The following MGAT4C variants were observed in gnomAD, a reference collection of about 807,000 sequenced individuals.
MGAT4C encodes MGAT4 family member C, also known as alpha-1,3-mannosyl-glycoprotein 4-beta-N-acetylglucosaminyltransferase C.
MGAT4C carries 19 observed loss-of-function variants against 40.1 expected under a neutral mutation model. That is an observed-to-expected ratio of 0.47 (90% CI 0.33 to 0.70). MGAT4C has a LOEUF of 0.70. MGAT4C is among the 30% of genes least tolerant of loss of function. The probability of loss-of-function intolerance (pLI) is 0.02; values close to 1 mark genes in which losing one functional copy is unlikely to be tolerated. For synonymous variants in MGAT4C, 181 were observed against 187.1 expected, an observed-to-expected ratio of 0.97 and a Z score of 0.27; for missense variants, 491 against 563.2, an observed-to-expected ratio of 0.87 and a Z score of 1.30.
intron 2 of MGAT4C, among the ~76,000 whole-genome samples, chr12:86,709,622 G>C (rs761999151): frequency 1.3e-5 from 2 of 151,896 alleles, no homozygotes; most frequent in Non-Finnish European, 2.9e-5. Context: ...TATTATATTT[G>C]AGGCTGGTCT....
At chr12:86,561,981 T>C (rs563773393) in intron 2 of MGAT4C, among the ~76,000 whole-genome samples, 8 of 152,260 alleles carry the variant, frequency 5.3e-5, no homozygotes, top group African/African-American at 1.9e-4. Context: ...TTGTGCAAAA[T>C]AAATACACAT....
intron 3 of MGAT4C, among the ~76,000 whole-genome samples, chr12:86,364,831 G>C (rs1193094063): frequency 6.6e-6 from 1 of 152,150 alleles, no homozygotes; most frequent in Non-Finnish European, 1.5e-5. Flanking sequence ...CAGAGATCAT[G>C]TGCTTCACAA....
chr12:86,626,977 G>A (rs543265667), intron 2 of MGAT4C, among the ~76,000 whole-genome samples: 13 of 152,328 alleles, frequency 8.5e-5, no homozygotes, highest in South Asian at 2.1e-4. Context: ...AAGGGAAGCC[G>A]TGACAGGCTG....
At chr12:86,751,636 T>G (rs1951232857) in intron 1 of MGAT4C, among the ~76,000 whole-genome samples, 1 of 152,092 alleles carries the variant, frequency 6.6e-6, no homozygotes, top group Non-Finnish European at 1.5e-5. Flanking sequence ...GCATAACTGC[T>G]ATTTTCCATG....
intron 2 of MGAT4C, among the ~76,000 whole-genome samples, chr12:86,685,863 ATTTT>A (rs1210645588): frequency 7.3e-6 from 1 of 136,582 alleles, no homozygotes; most frequent in Non-Finnish European, 1.6e-5. Flanking sequence ...AATGCTTGTG[ATTTT>A]TTTTTTTTTT....
Position 86,512,842 on chromosome 12 carries a change from C to CT in MGAT4C, c.-228-77578_-228-77577insA, listed in dbSNP as rs368269449. On this transcript the variant is annotated intron_variant, in intron 2 of 7. Transcript: ENST00000548651. The stretch of plus-strand genomic sequence containing the variant: ...TTTCAGTTATACAAGATAATAAGTT[C>CT]AAAGATTTGCTGTATTTCATGCCTA... 3.4e-3 allele frequency among the ~76,000 whole-genome samples: 510 copies of CT among 152,054 alleles called. 1 individual carries two copies. The highest frequency in any genetic ancestry group is 0.012 in the African/African-American group (493 of 41,516).
At chr12:86,750,001 A>T (rs1951209539) in intron 1 of MGAT4C, among the ~76,000 whole-genome samples, 1 of 146,910 alleles carries the variant, frequency 6.8e-6, no homozygotes, top group African/African-American at 2.7e-5. Context: ...GTAGGAATCA[A>T]TGTATTTGTT....
chr12:86,552,753 T>G (rs1281782933), intron 2 of MGAT4C, among the ~76,000 whole-genome samples: 6 of 152,130 alleles, frequency 3.9e-5, no homozygotes, highest in Non-Finnish European at 7.4e-5. Flanking sequence ...TTAATGTCTG[T>G]GAAATAAGCT....
chr12:86,464,159 T>G (rs1957643212), intron 2 of MGAT4C, among the ~76,000 whole-genome samples: 1 of 152,138 alleles, frequency 6.6e-6, no homozygotes, highest in Non-Finnish European at 1.5e-5. Context: ...TTTTTTTCCT[T>G]GATGCCTCAC....
At chr12:86,343,738 C>T (rs1309815618) in intron 3 of MGAT4C, among the ~76,000 whole-genome samples, 1 of 152,228 alleles carries the variant, frequency 6.6e-6, no homozygotes, top group Non-Finnish European at 1.5e-5. Flanking sequence ...ACATCAACAT[C>T]TTATCTATCG....
chr12:85,987,237 C>G (rs1227756798), intron 3 of MGAT4C, among the ~76,000 whole-genome samples: 1 of 140,690 alleles, frequency 7.1e-6, no homozygotes, highest in Non-Finnish European at 1.5e-5. Flanking sequence ...CCCGGGTTCA[C>G]GCCATTCTCC....
intron 2 of MGAT4C, among the ~76,000 whole-genome samples, chr12:86,463,455 G>A (rs1957631756): frequency 6.6e-6 from 1 of 151,850 alleles, no homozygotes; most frequent in Non-Finnish European, 1.5e-5. Context: ...ATTCCTCTAG[G>A]CTTTTCTAAT....
rs1209573892 is a variant in MGAT4C, at chr12:86,527,166, TTTTAA to T, written c.-228-91906_-228-91902del. On this transcript the variant is annotated intron_variant, in intron 2 of 7. Transcript: ENST00000548651. ...ACCTGGCCATCTTGCCAGATGTTAA[TTTTAA>T]TTTGATTTTTGTACATAATGAGAGA... 5.9e-4 allele frequency among the ~76,000 whole-genome samples: 90 copies of T among 152,332 alleles called. 1 individual carries two copies. The highest frequency in any genetic ancestry group is 2.2e-3 in the African/African-American group (90 of 41,584).
At chr12:86,709,611 A>T (rs1173466798) in intron 2 of MGAT4C, among the ~76,000 whole-genome samples, 1 of 152,030 alleles carries the variant, frequency 6.6e-6, no homozygotes, top group African/African-American at 2.4e-5. Flanking sequence ...TGTTTTATAG[A>T]TATTATATTT....
Position 86,516,562 on chromosome 12 carries a change from T to C in MGAT4C, c.-228-81297A>G, listed in dbSNP as rs1592942235. The stretch of plus-strand genomic sequence containing the variant: ...ATTTTCTTGACCTTGATTTAAGCAA[T>C]TTTTTTTCTAATATGAGACCAAAAG... On this transcript the variant is annotated intron_variant, in intron 2 of 7. Coordinates refer to the MGAT4C transcript ENST00000548651. 2.7e-5 allele frequency among the ~76,000 whole-genome samples: 4 copies of C among 146,140 alleles called. No homozygotes were observed. The East Asian group carries it at 7.8e-4, about 28-fold the overall frequency.
intron 3 of MGAT4C, among the ~76,000 whole-genome samples, chr12:86,418,629 T>C (rs961955410): frequency 7.3e-5 from 11 of 150,096 alleles, no homozygotes; most frequent in Non-Finnish European, 7.4e-5. Context: ...AATAAATAAA[T>C]GTAATGAATA....
intron 2 of MGAT4C, among the ~76,000 whole-genome samples, chr12:86,543,333 A>G (rs1163404204): frequency 6.6e-6 from 1 of 151,544 alleles, no homozygotes; most frequent in Non-Finnish European, 1.5e-5. Flanking sequence ...TTCACTAACA[A>G]ATTCCACATT....
intron 2 of MGAT4C, among the ~76,000 whole-genome samples, chr12:86,597,075 C>T (rs1255041945): frequency 6.6e-6 from 1 of 152,152 alleles, no homozygotes; most frequent in Non-Finnish European, 1.5e-5. Flanking sequence ...TATTTTAAAA[C>T]TACTCTTAAA....
At chr12:86,488,658 C>CT (rs1958071723) in intron 2 of MGAT4C, among the ~76,000 whole-genome samples, 1 of 152,076 alleles carries the variant, frequency 6.6e-6, no homozygotes, top group Non-Finnish European at 1.5e-5. Flanking sequence ...ATTCTAAAAT[C>CT]TATGAGGAAC....
Sources: allele counts gnomAD v4.1 joint callset (sites outside exome capture counted in the v4.1 genomes callset), GRCh38; gene constraint gnomAD v4.1.1; transcripts MANE v1.5; gene names NCBI Gene and HGNC (gene_info 2026-07-23, HGNC 2026-07-21).